NFE2: variants seen among roughly 807,000 people sequenced by gnomAD.
NFE2 encodes nuclear factor, erythroid 2.
A neutral mutation model predicts 25.8 loss-of-function variants in NFE2; 13 were observed. That is an observed-to-expected ratio of 0.50 (90% CI 0.33 to 0.80). The LOEUF (loss-of-function observed/expected upper bound fraction) is 0.80, where lower values mean the gene tolerates loss of function less well. Among genes scored for constraint, NFE2 ranks in the 30% least tolerant of loss-of-function variants. The pLI, the probability that NFE2 is intolerant of heterozygous loss-of-function variation, is 0.02. For missense variants in NFE2, 382 were observed against 478.9 expected (o/e 0.80, Z 1.89); for synonymous variants, 204 against 200.2 (o/e 1.02, Z -0.16).
intron 1 of NFE2, among the ~76,000 whole-genome samples, chr12:54,297,582 C>T (rs1944384553): frequency 7.3e-6 from 1 of 136,696 alleles, no homozygotes; most frequent in Non-Finnish European, 1.5e-5. Context: ...GGGAGAATTG[C>T]TTGAACCCGG....
In NFE2 at chr12:54,293,006, C is replaced by T; in HGVS notation, c.490G>A (p.Glu164Lys). 6.5e-7 allele frequency: 1 copy of T among 1,535,804 alleles called. No homozygotes were observed. Among genetic ancestry groups the T allele is most frequent in the African/African-American group, 1.4e-5 (1 of 72,696 alleles). The change falls in exon 3 of 3, where the codon GAG becomes AAG. Residue 164 changes from glutamate (E) to lysine (K), a missense_variant. Physicochemically the swap from Glu to Lys is moderately conservative, Grantham distance 56 (BLOSUM62 1). Transcript: ENST00000435572. ...DAESLELEGT[E>K]AGRRRSEYVE... ...TATTCGCTGCGCCGCCGACCAGCCT[C>T]TGTCCCCTCCAGCTCAAGAGATTCA...
In NFE2 at chr12:54,293,297, G is replaced by C; in HGVS notation, c.199C>G (p.Pro67Ala). 6.2e-7 allele frequency: 1 copy of C among 1,608,984 alleles called. No individual in the cohort carries two copies. The change falls in exon 3 of 3, where the codon CCC (proline) becomes GCC (alanine). Residue 67 changes from proline (P) to alanine (A), a missense_variant. Pro to Ala is a conservative substitution (Grantham distance 27). Coordinates refer to ENST00000435572, the MANE Select transcript of NFE2 (RefSeq NM_001136023.3). The part of the protein sequence containing the change: ...LGPPPPTTYC[P>A]CSIHPDSGFP... ...CCAGAATCTGGGTGGATTGAGCAGG[G>C]GCAGTAAGTTGTGGGTGGTGGAGGT... is the stretch of plus-strand genomic sequence containing the variant.
Position 54,293,083 on chromosome 12 carries a change from G to A in NFE2, c.413C>T (p.Pro138Leu), listed in dbSNP as rs775387828. The change falls in exon 3 of 3, where the codon CCC becomes CTC. Residue 138 changes from proline to leucine, a missense_variant. Transcript: ENST00000435572. ...TGAGTCGGATTCTGGGTCTTCTTGG[G>A]GCTTAGGTGGCCCTGCTGGCAGCCC... Reference protein sequence around the residue: ...DIGLPAGPPKPQEDPESDSGL... With the variant: ...DIGLPAGPPKLQEDPESDSGL... 4 of 1,522,758 alleles carry A rather than the reference G, an allele frequency of 2.6e-6. No homozygotes were observed. The Admixed American group carries it at 8.9e-5, about 34-fold the overall frequency. 94.3% of individuals were successfully genotyped at this position (1,522,758 alleles called of 1,614,324 possible). A position where few individuals can be genotyped will look rare whatever the true frequency, so the allele number is the denominator to read the frequency against.
chr12:54,296,224 T>C (rs1051316452), intron 1 of NFE2, among the ~76,000 whole-genome samples: 7 of 151,826 alleles, frequency 4.6e-5, no homozygotes, highest in Non-Finnish European at 8.8e-5. Flanking sequence ...CTGGCCAACA[T>C]GGAAACCCCG....
chr12:54,293,122 G>C lies in NFE2; in HGVS notation c.374C>G (p.Ala125Gly). The C allele has an allele frequency of 6.5e-7, 1 of 1,527,958 alleles. No homozygotes were observed. 94.7% of individuals were successfully genotyped at this position (1,527,958 alleles called of 1,614,324 possible). ...TGCTGGCAGCCCAATGTCCAGGAGG[G>C]CTAAGGGGTCTTGGAGCGGCTCACT... The part of the protein sequence containing the change: ...LLSEPLQDPL[A>G]LLDIGLPAGP... The change falls in exon 3 of 3, where the codon GCC becomes GGC. Residue 125 changes from alanine (A) to glycine (G), a missense_variant. By Grantham distance (60) the Ala-to-Gly change is moderately conservative. Coordinates refer to ENST00000435572, the MANE Select transcript of NFE2 (RefSeq NM_001136023.3).
intron 2 of NFE2, among the ~76,000 whole-genome samples, 183 bp downstream of exon 2, chr12:54,294,952 C>T (rs549454442): frequency 6.6e-6 from 1 of 152,238 alleles, no homozygotes; most frequent in African/African-American, 2.4e-5. Context: ...ACTGCTCCTC[C>T]ACTCCTCCTC....
At position 54,292,668 on chromosome 12, in the gene NFE2, G is replaced by GT; in HGVS notation, c.827dup (p.Asn276LysfsTer29). ...TGCGGCAGTTCTGGGCTGCCACCTTGTTTTTGCCCCGTCGTCGGATGTCCC... is the reference window on the plus strand; with the variant it reads ...TGCGGCAGTTCTGGGCTGCCACCTTGTTTTTTGCCCCGTCGTCGGATGTCCC... On this transcript the variant is annotated frameshift_variant, in exon 3 of 3. Coordinates refer to ENST00000435572, the MANE Select transcript of NFE2 (RefSeq NM_001136023.3). LOFTEE classifies it high-confidence loss of function. 1 of 1,614,188 alleles carries GT rather than the reference G, an allele frequency of 6.2e-7. No homozygotes were observed. The highest frequency in any genetic ancestry group is 1.6e-4 in the Middle Eastern group (1 of 6,062).
rs35257265 is a variant in NFE2, at chr12:54,294,829, G to A, written c.114+306C>T. On this transcript the variant is annotated intron_variant, in intron 2 of 2. Transcript: ENST00000435572. ...ATGGCAGGATCAGAGAGGCAGGTCA[G>A]AAGAGAAGAAGGTGAGCACGGGAGG... Among the ~76,000 whole-genome samples the A allele has an allele frequency of 2.0e-3, 302 of 152,272 alleles. 1 individual carries two copies. Among genetic ancestry groups the A allele is most frequent in the Non-Finnish European group, 3.4e-3 (228 of 68,016 alleles).
chr12:54,295,648 CTG>C (rs1944366028), intron 1 of NFE2: 2 of 185,034 alleles, frequency 1.1e-5, no homozygotes, highest in African/African-American at 2.4e-5. Context: ...TTCTGTTTTG[CTG>C]TGTTTTGTTT....
chr12:54,298,299 G>T (rs1944391786), intron 1 of NFE2, among the ~76,000 whole-genome samples: 1 of 151,874 alleles, frequency 6.6e-6, no homozygotes, highest in Non-Finnish European at 1.5e-5. Flanking sequence ...CCTGAGGTCG[G>T]GAGTTCAAGA....
In NFE2 at chr12:54,300,790, C is replaced by CT. The variant is rs1331337861; in HGVS notation, c.-57+10dup. ...TCCGCCCCCCCCACACACACCCTGC[C>CT]TTTCAGGCACCTGTGGTGGAGTCAC... On this transcript the variant is annotated intron_variant, in intron 1 of 2. Transcript: ENST00000435572. The CT allele has an allele frequency of 6.6e-6, 1 of 152,096 alleles. No homozygotes were observed. Among genetic ancestry groups the CT allele is most frequent in the Non-Finnish European group, 1.5e-5 (1 of 68,048 alleles). 9.4% of individuals were successfully genotyped at this position (152,096 alleles called of 1,614,324 possible). A position where few individuals can be genotyped will look rare whatever the true frequency, so the allele number is the denominator to read the frequency against.
At chr12:54,297,429 T>C (rs1033431242) in intron 1 of NFE2, among the ~76,000 whole-genome samples, 3 of 144,550 alleles carry the variant, frequency 2.1e-5, no homozygotes, top group African/African-American at 7.8e-5. Context: ...TTTGGGAGGC[T>C]GAGGCAGGTG....
intron 2 of NFE2, among the ~76,000 whole-genome samples, 177 bp downstream of exon 2, chr12:54,294,958 T>C (rs933558707): frequency 6.6e-6 from 1 of 152,116 alleles, no homozygotes; most frequent in Non-Finnish European, 1.5e-5. Flanking sequence ...CCTCCACTCC[T>C]CCTCCTCAAC....
At chr12:54,297,667 G>GA (rs1158479197) in intron 1 of NFE2, 703 of 40,276 alleles carry the variant, frequency 0.017, 1 homozygote, top group Middle Eastern at 0.022. Flanking sequence ...CTCTGTTTCG[G>GA]AAAAAAAAAA....
intron 1 of NFE2, among the ~76,000 whole-genome samples, chr12:54,298,947 C>T (rs555121375): frequency 2.0e-5 from 3 of 151,068 alleles, no homozygotes; most frequent in Non-Finnish European, 4.4e-5. Flanking sequence ...GCTACTCAGG[C>T]GGTTGAGGCA....
chr12:54,295,531 A>G, intron 1 of NFE2: 2 of 326,000 alleles, frequency 6.1e-6, no homozygotes, highest in Non-Finnish European at 1.2e-5. Context: ...TTGGTAGCAC[A>G]GGAGGTCTTT....
rs948372976 is a variant in NFE2 at position 54,292,470 on chromosome 12, G to T, written c.1026C>A (p.Gly342=). 1.2e-6 allele frequency: 2 copies of T among 1,614,202 alleles called. No individual in the cohort carries two copies. The highest frequency in any genetic ancestry group is 8.5e-7 in the Non-Finnish European group (1 of 1,180,030). The part of the protein sequence containing the change: ...DIFQHLRDES[G]NSYSPEEYAL... ...CGTACTCTTCAGGAGAGTAGCTGTTGCCTGATTCATCCCGAAGGTGCTGGA... is the reference window on the plus strand; with the variant it reads ...CGTACTCTTCAGGAGAGTAGCTGTTTCCTGATTCATCCCGAAGGTGCTGGA... Residue 342 remains glycine, a synonymous_variant, in exon 3 of 3, where the codon GGC becomes GGA. Transcript: ENST00000435572.
chr12:54,297,524 G>A (rs1217525563), intron 1 of NFE2, among the ~76,000 whole-genome samples: 1 of 151,218 alleles, frequency 6.6e-6, no homozygotes, highest in Non-Finnish European at 1.5e-5. Context: ...TAATAGCCAG[G>A]CTTGGTGGTG....
rs754425917 is a variant in NFE2, at chr12:54,292,771, A to G, written c.725T>C (p.Ile242Thr). The G allele has an allele frequency of 1.2e-6, 2 of 1,614,208 alleles. No homozygotes were observed. The highest frequency in any genetic ancestry group is 1.1e-5 in the South Asian group (1 of 91,090). Residue 242 changes from isoleucine to threonine, a missense_variant, in exon 3 of 3, where the codon ATT (isoleucine) becomes ACT (threonine). Transcript: ENST00000435572. ...AAAGTCATCTACCGGCAAGTTGACA[A>G]TCTTGTCCGTAGGAAAAGGAATCTT... Reference protein sequence around the residue: ...AMKIPFPTDKIVNLPVDDFNE... With the variant: ...AMKIPFPTDKTVNLPVDDFNE...
Sources: allele counts gnomAD v4.1 joint callset (sites outside exome capture counted in the v4.1 genomes callset), GRCh38; gene constraint gnomAD v4.1.1; transcripts MANE v1.5; gene names NCBI Gene and HGNC (gene_info 2026-07-23, HGNC 2026-07-21).